Variants in SETBP1 observed in about 807,000 individuals in gnomAD.
SETBP1 encodes SET-binding protein.
A neutral mutation model predicts 101.0 loss-of-function variants in SETBP1; 9 were observed. That is an observed-to-expected ratio of 0.09 (90% CI 0.05 to 0.16). The LOEUF is 0.16. SETBP1 is among the 10% of genes least tolerant of loss of function. The pLI, the probability that SETBP1 is intolerant of heterozygous loss-of-function variation, is 1.00. For synonymous variants in SETBP1, 818 were observed against 788.5 expected (o/e 1.04, Z -0.63); for missense variants, 1,858 against 2,033.8 (o/e 0.91, Z 1.66).
intron 1 of SETBP1, among the ~76,000 whole-genome samples, chr18:44,696,296 G>A (rs916532276): frequency 2.0e-5 from 3 of 152,150 alleles, no homozygotes; most frequent in Non-Finnish European, 2.9e-5. Flanking sequence ...CTATGATCTA[G>A]CAACTTGACA....
intron 4 of SETBP1, among the ~76,000 whole-genome samples, chr18:45,036,413 C>T (rs1439024124): frequency 6.6e-6 from 1 of 151,906 alleles, no homozygotes; most frequent in African/African-American, 2.4e-5. Flanking sequence ...CTCAGAATAA[C>T]CACTGTTACC....
intron 3 of SETBP1, among the ~76,000 whole-genome samples, chr18:44,890,072 A>T (rs1464568236): frequency 2.0e-5 from 3 of 152,060 alleles, no homozygotes; most frequent in Non-Finnish European, 4.4e-5. Context: ...CACATTTTTC[A>T]TTTTTTTGTG....
At chr18:44,785,783 G>C (rs1343409394) in intron 2 of SETBP1, among the ~76,000 whole-genome samples, 2 of 152,180 alleles carry the variant, frequency 1.3e-5, no homozygotes, top group African/African-American at 2.4e-5. Flanking sequence ...GGATGATTTT[G>C]TAAAAACACT....
intron 2 of SETBP1, among the ~76,000 whole-genome samples, chr18:44,715,235 A>G (rs527980978): frequency 6.6e-6 from 1 of 152,282 alleles, no homozygotes; most frequent in East Asian, 1.9e-4. Context: ...CTGCAGCTTC[A>G]TCCTGGAGAC....
intron 2 of SETBP1, among the ~76,000 whole-genome samples, chr18:44,819,656 T>C (rs994100386): frequency 6.6e-6 from 1 of 152,142 alleles, no homozygotes; most frequent in Non-Finnish European, 1.5e-5. Flanking sequence ...ACTGCATATT[T>C]AGCATCTTTT....
chr18:44,802,529 C>G (rs1473997096), intron 2 of SETBP1, among the ~76,000 whole-genome samples: 1 of 152,164 alleles, frequency 6.6e-6, no homozygotes, highest in African/African-American at 2.4e-5. Context: ...GGAGTGTCTT[C>G]CTCTGAAAAA....
At chr18:44,996,337 C>A (rs1435416157) in intron 4 of SETBP1, among the ~76,000 whole-genome samples, 3 of 152,192 alleles carry the variant, frequency 2.0e-5, no homozygotes, top group Non-Finnish European at 4.4e-5. Context: ...GCAAGGCTCT[C>A]CATCTACAAG....
chr18:45,050,818 G>A (rs778765632), intron 5 of SETBP1, among the ~76,000 whole-genome samples: 8 of 152,200 alleles, frequency 5.3e-5, no homozygotes, highest in African/African-American at 7.2e-5. Flanking sequence ...CTCTAAGCAG[G>A]CTTCCTGGAG....
intron 4 of SETBP1, among the ~76,000 whole-genome samples, chr18:45,033,259 G>A (rs1599474083): frequency 6.6e-6 from 1 of 152,178 alleles, no homozygotes; most frequent in African/African-American, 2.4e-5. Flanking sequence ...ACTTGTTATA[G>A]GGAAAGAAAG....
intron 4 of SETBP1, among the ~76,000 whole-genome samples, chr18:44,994,640 G>A (rs144479827): frequency 1.3e-5 from 2 of 152,186 alleles, no homozygotes; most frequent in South Asian, 2.1e-4. Flanking sequence ...ACACAACTTG[G>A]TTGCCCATTG....
chr18:45,015,236 C>T (rs780747618), intron 4 of SETBP1, among the ~76,000 whole-genome samples: 1 of 152,166 alleles, frequency 6.6e-6, no homozygotes, highest in African/African-American at 2.4e-5. Context: ...TCTCAAAAGT[C>T]GTATTTCCAC....
At chr18:44,897,600 A>G (rs1020559403) in intron 3 of SETBP1, among the ~76,000 whole-genome samples, 1 of 152,156 alleles carries the variant, frequency 6.6e-6, no homozygotes, top group African/African-American at 2.4e-5. Context: ...TTGTGTGGGA[A>G]ACACTGCAGG....
chr18:44,746,548 A>C (rs1401638662), intron 2 of SETBP1, among the ~76,000 whole-genome samples: 1 of 152,248 alleles, frequency 6.6e-6, no homozygotes, highest in African/African-American at 2.4e-5. Context: ...GGGTTATCAA[A>C]TGTGATATTT....
chr18:45,022,577 C>G (rs1198423934), intron 4 of SETBP1, among the ~76,000 whole-genome samples: 1 of 152,180 alleles, frequency 6.6e-6, no homozygotes, highest in African/African-American at 2.4e-5. Context: ...CGCCTGTGAT[C>G]CCAGCACGTT....
chr18:45,025,640 G>A (rs939053399), intron 4 of SETBP1, among the ~76,000 whole-genome samples: 32 of 152,162 alleles, frequency 2.1e-4, no homozygotes, highest in African/African-American at 7.7e-4. Context: ...AAAGTAGGTG[G>A]TTTGAAGAAA....
At chr18:45,004,883 A>G (rs2072692499) in intron 4 of SETBP1, among the ~76,000 whole-genome samples, 1 of 152,196 alleles carries the variant, frequency 6.6e-6, no homozygotes, top group Non-Finnish European at 1.5e-5. Flanking sequence ...TTTTTAAAAC[A>G]TCATTAATTG....
chr18:44,876,549 C>G (rs796963442), intron 3 of SETBP1: 38 of 1,537,100 alleles, frequency 2.5e-5, no homozygotes, highest in Non-Finnish European at 3.2e-5. Context: ...TCTAAGTCAG[C>G]CTCCTCATTT....
At chr18:44,738,186 G>A (rs2070013391) in intron 2 of SETBP1, among the ~76,000 whole-genome samples, 1 of 152,150 alleles carries the variant, frequency 6.6e-6, no homozygotes, top group African/African-American at 2.4e-5. Flanking sequence ...CCCTCTGTGA[G>A]AGACTCAGAT....
intron 5 of SETBP1, among the ~76,000 whole-genome samples, chr18:45,041,182 G>T (rs1259847320): frequency 6.6e-6 from 1 of 152,162 alleles, no homozygotes; most frequent in East Asian, 1.9e-4. Flanking sequence ...GTCCCAACAT[G>T]AGCAAAGGCA....
Sources: gnomAD v4.1 joint callset for allele counts (sites outside exome capture counted in the v4.1 genomes callset) on GRCh38, gnomAD v4.1.1 for gene constraint, MANE v1.5 for transcripts, NCBI Gene and HGNC (gene_info 2026-07-23, HGNC 2026-07-21) for gene names.